Variants in PON1 observed in about 807,000 individuals in gnomAD.
The protein encoded by PON1 is paraoxonase 1, also known as serum paraoxonase/arylesterase 1.
A neutral mutation model predicts 39.2 loss-of-function variants in PON1; 37 were observed. The ratio of observed to expected loss-of-function variants is 0.94; its 90% confidence interval spans 0.73 to 1.24. PON1 has a LOEUF of 1.24. Ranked by LOEUF, PON1 falls within the 50% of genes most tolerant of loss-of-function variation. The pLI is 0.00. For missense variants in PON1, 397 were observed against 413.5 expected, an observed-to-expected ratio of 0.96 and a Z score of 0.35; for synonymous variants, 148 against 152.2, an observed-to-expected ratio of 0.97 and a Z score of 0.21.
intron 8 of PON1, among the ~76,000 whole-genome samples, chr7:95,299,513 G>A (rs1014508023): frequency 4.6e-5 from 7 of 152,104 alleles, no homozygotes; most frequent in African/African-American, 1.7e-4. Flanking sequence ...TGTTGCCAAA[G>A]GAGATTAACA....
rs764765675 is a variant in PON1 at position 95,324,517 on chromosome 7, C to T, written c.-42G>A. 1.3e-6 allele frequency: 2 copies of T among 1,586,160 alleles called. No homozygotes were observed. Among genetic ancestry groups the T allele is most frequent in the South Asian group, 2.2e-5 (2 of 89,682 alleles). On this transcript the variant is annotated 5_prime_UTR_variant, in exon 1 of 9. Coordinates refer to ENST00000222381, the MANE Select transcript of PON1 (RefSeq NM_000446.7). ...AGGGATCGATGGGCGCAGACACCGACGGGCTAGGAGGCTCTGCCTGCCTGC... is the reference window on the plus strand; with the variant it reads ...AGGGATCGATGGGCGCAGACACCGATGGGCTAGGAGGCTCTGCCTGCCTGC...
At chr7:95,302,651 C>T (rs1807461838) in intron 7 of PON1, among the ~76,000 whole-genome samples, 1 of 151,928 alleles carries the variant, frequency 6.6e-6, no homozygotes, top group Admixed American at 6.6e-5. Flanking sequence ...AAGAAGTTTT[C>T]GGTGCATCAT....
At position 95,324,414 on chromosome 7, in the gene PON1, T is replaced by C. The variant is rs1807967518; in HGVS notation, c.62A>G (p.Gln21Arg). The change falls in exon 1 of 9, where the codon CAG (glutamine) becomes CGG (arginine). Residue 21 changes from glutamine to arginine, a missense_variant. By Grantham distance (43) the Gln-to-Arg change is conservative. Coordinates refer to ENST00000222381, the MANE Select transcript of PON1 (RefSeq NM_000446.7). ...CAACCCAACTTACTGGTAAGAAGAC[T>C]GGTGGTTCCTGAAGAGTGCCAGTCC... Reference protein sequence around the residue: ...GMGLALFRNHQSSYQTRLNAL... With the variant: ...GMGLALFRNHRSSYQTRLNAL... 1.2e-6 allele frequency: 2 copies of C among 1,614,052 alleles called. No homozygotes were observed. The highest frequency in any genetic ancestry group is 1.1e-5 in the South Asian group (1 of 91,088).
chr7:95,300,394 A>G (rs868264857), intron 8 of PON1, among the ~76,000 whole-genome samples: 5 of 152,204 alleles, frequency 3.3e-5, no homozygotes, highest in Middle Eastern at 3.2e-3. Flanking sequence ...TGACTTGAAG[A>G]AAGGATATCT....
intron 2 of PON1, among the ~76,000 whole-genome samples, chr7:95,318,077 CTTT>C (rs1198806835): frequency 1.8e-5 from 2 of 111,104 alleles, no homozygotes; most frequent in Non-Finnish European, 3.7e-5. Flanking sequence ...TTTCTTTTTT[CTTT>C]TTTTCTTTTT....
chr7:95,319,262 T>G (rs1461836649), intron 1 of PON1, among the ~76,000 whole-genome samples: 5 of 151,994 alleles, frequency 3.3e-5, no homozygotes, highest in African/African-American at 9.7e-5. Context: ...CCTGATGACT[T>G]GAACTCACAG....
chr7:95,312,446 A>T lies in PON1; in HGVS notation c.371-869T>A, dbSNP rs150637432. Reference sequence around the variant, plus strand: ...GAATTGAGAAGATTTGAACAGAGAAAGCTGCTAAAATGATTTTCATTACCC... The same window carrying T: ...GAATTGAGAAGATTTGAACAGAGAATGCTGCTAAAATGATTTTCATTACCC... On this transcript the variant is annotated intron_variant, in intron 4 of 8. Coordinates refer to ENST00000222381, the MANE Select transcript of PON1 (RefSeq NM_000446.7). Among the ~76,000 whole-genome samples, 329 of 152,346 alleles carry T rather than the reference A, an allele frequency of 2.2e-3. 3 individuals carry two copies. Among genetic ancestry groups the T allele is most frequent in the Admixed American group, 7.6e-3 (117 of 15,304 alleles).
At chr7:95,302,775 T>C (rs1372455575) in intron 7 of PON1, among the ~76,000 whole-genome samples, 3 of 152,232 alleles carry the variant, frequency 2.0e-5, no homozygotes, top group Non-Finnish European at 4.4e-5. Flanking sequence ...GTGGACTCTT[T>C]AATGGCTAAT....
chr7:95,300,620 G>A (rs1197447726), intron 8 of PON1, among the ~76,000 whole-genome samples: 1 of 152,100 alleles, frequency 6.6e-6, no homozygotes, highest in Non-Finnish European at 1.5e-5. Context: ...CTCATCTAGG[G>A]GCAGTGCATT....
At chr7:95,317,573 C>CAAAAAAAAAAAAAAAAAAAAAA (rs869140411) in intron 2 of PON1, among the ~76,000 whole-genome samples, 3 of 46,864 alleles carry the variant, frequency 6.4e-5, no homozygotes, top group African/African-American at 1.3e-4. Context: ...TCTAAAAGAA[C>CAAAAAAAAAAAAAAAAAAAAAA]AAAAAAAAAA....
Position 95,299,119 on chromosome 7 carries a change from A to T in PON1, c.910-17T>A. 1.2e-6 allele frequency: 2 copies of T among 1,612,692 alleles called. No homozygotes were observed. Among genetic ancestry groups the T allele is most frequent in the Non-Finnish European group, 1.7e-6 (2 of 1,178,680 alleles). On this transcript the variant is annotated splice_polypyrimidine_tract_variant and intron_variant, in intron 8 of 8. Coordinates refer to ENST00000222381, the MANE Select transcript of PON1 (RefSeq NM_000446.7). ...TCGAAGCACCTGTGGAAGAAATAAC[A>T]TTGGGTTAATATTTTTGTTAAGTCA... is the stretch of plus-strand genomic sequence containing the variant.
intron 7 of PON1, among the ~76,000 whole-genome samples, chr7:95,303,860 T>G (rs1807484500): frequency 6.6e-6 from 1 of 152,224 alleles, no homozygotes; most frequent in Admixed American, 6.5e-5. Context: ...AAACAGAGTA[T>G]TCTCTGTTAA....
At chr7:95,316,524 A>G (rs1449132315) in intron 3 of PON1, among the ~76,000 whole-genome samples, 1 of 152,226 alleles carries the variant, frequency 6.6e-6, no homozygotes. Flanking sequence ...AATATGGTTC[A>G]ATGTAGACCG....
rs774147610 is a variant in PON1 at position 95,302,190 on chromosome 7, A to ATTT, written c.909+12_909+14dup. On this transcript the variant is annotated intron_variant, in intron 8 of 8. Coordinates refer to ENST00000222381, the MANE Select transcript of PON1 (RefSeq NM_000446.7). ...GGGAATAAAGTCACTTATCTGGTTC[A>ATTT]TTTTTAAAACTTACCTCTGATGCAG... is the stretch of plus-strand genomic sequence containing the variant. The ATTT allele has an allele frequency of 6.2e-7, 1 of 1,604,156 alleles. No homozygotes were observed. Among genetic ancestry groups the ATTT allele is most frequent in the Non-Finnish European group, 8.5e-7 (1 of 1,173,792 alleles).
chr7:95,314,086 C>T (rs1807713196), intron 4 of PON1, among the ~76,000 whole-genome samples: 1 of 151,820 alleles, frequency 6.6e-6, no homozygotes, highest in Non-Finnish European at 1.5e-5. Context: ...AGGCTGGGCG[C>T]GGTGGCTCAC....
chr7:95,315,529 A>C lies in PON1; in HGVS notation c.202-39T>G, dbSNP rs201341046. The stretch of plus-strand genomic sequence containing the variant: ...GAGGAGAAAAATCAAGCACAATACC[A>C]GTACTTCAAATGCTAATAGAGGCGC... On this transcript the variant is annotated intron_variant, in intron 3 of 8. Coordinates refer to ENST00000222381, the MANE Select transcript of PON1 (RefSeq NM_000446.7). 2.5e-6 allele frequency: 4 copies of C among 1,598,192 alleles called. No homozygotes were observed. The East Asian group carries it at 8.9e-5, about 36-fold the overall frequency.
intron 6 of PON1, among the ~76,000 whole-genome samples, chr7:95,307,643 C>G (rs984077419): frequency 1.3e-5 from 2 of 152,098 alleles, no homozygotes; most frequent in African/African-American, 4.8e-5. Flanking sequence ...CATTTTGGTA[C>G]AAATTCCTCA....
chr7:95,298,880 C>T lies in PON1; in HGVS notation c.*64G>A, dbSNP rs946689781. ...TGTTCAGCTAAGAACACTGGGTCCTCGGAATATGGCAAGCGGTTGAAATAA... is the reference window on the plus strand; with the variant it reads ...TGTTCAGCTAAGAACACTGGGTCCTTGGAATATGGCAAGCGGTTGAAATAA... On this transcript the variant is annotated 3_prime_UTR_variant, in exon 9 of 9. Coordinates refer to ENST00000222381, the MANE Select transcript of PON1 (RefSeq NM_000446.7). 2.9e-5 allele frequency: 47 copies of T among 1,594,064 alleles called. 1 individual carries two copies. The South Asian group carries it at 3.5e-4, about 12-fold the overall frequency.
chr7:95,313,357 G>C (rs1202938931), intron 4 of PON1, among the ~76,000 whole-genome samples: 1 of 152,196 alleles, frequency 6.6e-6, no homozygotes, highest in East Asian at 1.9e-4. Context: ...CTATATTACA[G>C]TGCTCCCACA....
Sources: gnomAD v4.1 joint callset for allele counts (sites outside exome capture counted in the v4.1 genomes callset) on GRCh38, gnomAD v4.1.1 for gene constraint, MANE v1.5 for transcripts, NCBI Gene and HGNC (gene_info 2026-07-23, HGNC 2026-07-21) for gene names.